Variants in RNF115 observed in about 807,000 individuals in gnomAD.
RNF115 encodes the protein E3 ubiquitin-protein ligase RNF115.
In RNF115, 31 loss-of-function variants were observed where a neutral mutation model predicts 39.2. That is an observed-to-expected ratio of 0.79 (90% CI 0.59 to 1.07). The LOEUF (loss-of-function observed/expected upper bound fraction) is 1.07, where lower values mean the gene tolerates loss of function less well. RNF115 is among the 50% of genes least tolerant of loss of function. The pLI is 0.00. For synonymous variants in RNF115, 124 were observed against 131.0 expected (o/e 0.95, Z 0.37); for missense variants, 384 against 381.7 (o/e 1.01, Z -0.05).
chr1:145,782,761 A>T (rs1345306544), intron 3 of RNF115, among the ~76,000 whole-genome samples: 1 of 152,256 alleles, frequency 6.6e-6, no homozygotes, highest in Non-Finnish European at 1.5e-5. Context: ...GCATATGCCT[A>T]ATCAGTAAGT....
intron 4 of RNF115, among the ~76,000 whole-genome samples, chr1:145,763,591 T>C (rs1383338770): frequency 3.3e-5 from 5 of 152,058 alleles, no homozygotes; most frequent in Non-Finnish European, 7.4e-5. Flanking sequence ...CCCAGCTACT[T>C]GGGAGGCTGA....
intron 4 of RNF115, among the ~76,000 whole-genome samples, chr1:145,765,332 T>C (rs587674310): frequency 7.9e-5 from 12 of 152,080 alleles, no homozygotes; most frequent in African/African-American, 2.7e-4. Flanking sequence ...CTTTGTTCAC[T>C]TGCTTATCTG....
intron 1 of RNF115, among the ~76,000 whole-genome samples, chr1:145,792,044 G>A (rs1275601087): frequency 6.6e-6 from 1 of 151,438 alleles, no homozygotes; most frequent in Non-Finnish European, 1.5e-5. Flanking sequence ...CAATCCTGCC[G>A]GCCTCAGCTG....
chr1:145,794,347 A>C (rs1294455550), intron 1 of RNF115, among the ~76,000 whole-genome samples: 1 of 151,898 alleles, frequency 6.6e-6, no homozygotes, highest in Non-Finnish European at 1.5e-5. Context: ...TGACAATCTC[A>C]TTGTCACCCC....
chr1:145,789,482 T>G (rs1553718624), intron 1 of RNF115, among the ~76,000 whole-genome samples: 1 of 151,688 alleles, frequency 6.6e-6, no homozygotes, highest in Non-Finnish European at 1.5e-5. Flanking sequence ...CACGGCAACC[T>G]CCACCTCCTG....
intron 1 of RNF115, among the ~76,000 whole-genome samples, chr1:145,813,646 G>A (rs1326791280): frequency 4.6e-5 from 7 of 152,240 alleles, no homozygotes; most frequent in African/African-American, 1.7e-4. Context: ...CACTAACTGA[G>A]CCCTAGTTCC....
intron 3 of RNF115, among the ~76,000 whole-genome samples, chr1:145,780,488 C>A (rs1375252154): frequency 6.6e-6 from 1 of 151,550 alleles, no homozygotes; most frequent in Non-Finnish European, 1.5e-5. Flanking sequence ...GGCGTGGTGG[C>A]ACGCGCCTGT....
chr1:145,767,458 G>A (rs1159033533), intron 4 of RNF115, among the ~76,000 whole-genome samples: 8 of 151,566 alleles, frequency 5.3e-5, no homozygotes, highest in Admixed American at 1.3e-4. Flanking sequence ...ATGGGATGGC[G>A]GCCGGGCAGA....
rs1657784961 is a variant in RNF115, at chr1:145,744,121, G to T, written c.*2745C>A. 1 of 152,222 alleles carries T rather than the reference G, an allele frequency of 6.6e-6. No individual in the cohort carries two copies. The highest frequency in any genetic ancestry group is 1.5e-5 in the Non-Finnish European group (1 of 68,054). The allele number at this position is 152,222 out of a possible 1,614,324, so 9.4% of individuals were successfully genotyped here. On this transcript the variant is annotated 3_prime_UTR_variant, in exon 9 of 9. Coordinates refer to ENST00000582693, the MANE Select transcript of RNF115 (RefSeq NM_014455.4). ...ATCCTTTCTAGTTCTCTAGGCATTG[G>T]TTCTCTATCTGTACGTAAAACTACA... is the stretch of plus-strand genomic sequence containing the variant.
At chr1:145,815,693 A>G (rs1649962264) in intron 1 of RNF115, among the ~76,000 whole-genome samples, 1 of 151,428 alleles carries the variant, frequency 6.6e-6, no homozygotes, top group Non-Finnish European at 1.5e-5. Context: ...TATGGTTTTG[A>G]AAATAATAAT....
At chr1:145,804,527 ACAC>A (rs1261470315) in intron 1 of RNF115, among the ~76,000 whole-genome samples, 34 of 151,592 alleles carry the variant, frequency 2.2e-4, no homozygotes, top group African/African-American at 8.2e-4. Flanking sequence ...ACACACACAC[ACAC>A]ACAATCAGAC....
intron 3 of RNF115, among the ~76,000 whole-genome samples, chr1:145,779,845 TA>T (rs1553717059): frequency 6.6e-6 from 1 of 151,956 alleles, no homozygotes; most frequent in Admixed American, 6.6e-5. Context: ...GTATTTTTAG[TA>T]AAGACAGGGT....
rs797040111 is a variant in RNF115, at chr1:145,747,111, A to G, written c.784-114T>C. Reference sequence around the variant, plus strand: ...ATCAAAAATTATGACATGGAACAGAAAAACAATAGAGAATGCATCCTCATA... The same window carrying G: ...ATCAAAAATTATGACATGGAACAGAGAAACAATAGAGAATGCATCCTCATA... On this transcript the variant is annotated intron_variant, in intron 8 of 8. Transcript: ENST00000582693. The G allele has an allele frequency of 1.2e-5, 13 of 1,101,686 alleles. 1 individual carries two copies. The African/African-American group carries it at 1.9e-4, about 16-fold the overall frequency. 68.2% of individuals were successfully genotyped at this position (1,101,686 alleles called of 1,614,324 possible).
chr1:145,753,759 C>T (rs1263809727), intron 4 of RNF115, among the ~76,000 whole-genome samples: 1 of 152,190 alleles, frequency 6.6e-6, no homozygotes, highest in African/African-American at 2.4e-5. Flanking sequence ...CTCTGCCGCC[C>T]AGGCTGGAGT....
intron 8 of RNF115, among the ~76,000 whole-genome samples, 170 bp downstream of exon 8, chr1:145,747,825 G>C (rs587718980): frequency 6.6e-6 from 1 of 152,252 alleles, no homozygotes; most frequent in African/African-American, 2.4e-5. Flanking sequence ...ACAATGACCT[G>C]TAGAACATAG....
chr1:145,753,424 T>C (rs1553712777), intron 4 of RNF115, among the ~76,000 whole-genome samples: 1 of 152,140 alleles, frequency 6.6e-6, no homozygotes, highest in African/African-American at 2.4e-5. Flanking sequence ...GTAGTTCCAT[T>C]TTTGTATGTT....
intron 4 of RNF115, among the ~76,000 whole-genome samples, chr1:145,761,049 T>C (rs587626121): frequency 1.3e-5 from 2 of 152,174 alleles, no homozygotes; most frequent in Non-Finnish European, 2.9e-5. Context: ...CCCTACAGAT[T>C]TGTGGAACTT....
At chr1:145,756,043 G>T (rs1553713119) in intron 4 of RNF115, among the ~76,000 whole-genome samples, 1 of 152,146 alleles carries the variant, frequency 6.6e-6, no homozygotes, top group South Asian at 2.1e-4. Context: ...AGAATTCCCA[G>T]CATCTCCAGA....
chr1:145,823,914 C>A lies in RNF115; in HGVS notation c.-41G>T, dbSNP rs782471781. On this transcript the variant is annotated 5_prime_UTR_variant, in exon 1 of 9. Coordinates refer to ENST00000582693, the MANE Select transcript of RNF115 (RefSeq NM_014455.4). The stretch of plus-strand genomic sequence containing the variant: ...CGGCCGTCCGAGAGGGCAGCCGGCC[C>A]GTCCCTCGCCAGGCCGCTACCTCCC... 8 of 1,397,016 alleles carry A rather than the reference C, an allele frequency of 5.7e-6. No individual in the cohort carries two copies. Among genetic ancestry groups the A allele is most frequent in the Non-Finnish European group, 7.6e-6 (8 of 1,053,222 alleles). 86.5% of individuals were successfully genotyped at this position (1,397,016 alleles called of 1,614,324 possible). A position where few individuals can be genotyped will look rare whatever the true frequency, so the allele number is the denominator to read the frequency against.
Sources: gnomAD v4.1 joint callset for allele counts (sites outside exome capture counted in the v4.1 genomes callset) on GRCh38, gnomAD v4.1.1 for gene constraint, MANE v1.5 for transcripts, NCBI Gene and HGNC (gene_info 2026-07-23, HGNC 2026-07-21) for gene names.